Variants in PRKAB2 observed in about 807,000 individuals in gnomAD.
PRKAB2 encodes the protein protein kinase AMP-activated non-catalytic subunit beta 2.
PRKAB2 carries 18 observed loss-of-function variants against 29.8 expected under a neutral mutation model. The observed-to-expected ratio is 0.60, with a 90% CI of 0.42 to 0.89. The LOEUF (loss-of-function observed/expected upper bound fraction) is 0.89. PRKAB2 is among the 40% of genes least tolerant of loss of function. PRKAB2 has a pLI of 0.00. For synonymous variants in PRKAB2, 136 were observed against 125.9 expected (o/e 1.08, Z -0.54); for missense variants, 270 against 344.3 (o/e 0.78, Z 1.71).
rs1654015381 is a variant in PRKAB2 at position 147,162,409 on chromosome 1, C to T, written c.672+31G>A. The T allele has an allele frequency of 1.9e-6, 3 of 1,594,044 alleles. No homozygotes were observed. In the African/African-American group the frequency reaches 4.0e-5, roughly 21 times the overall value. On this transcript the variant is annotated intron_variant, in intron 6 of 7. Transcript: ENST00000254101. The stretch of plus-strand genomic sequence containing the variant: ...TGGTCCAAATGGTCCTAGACACCCC[C>T]AGATGCCCCAGTAATACTCAGGATA...
intron 5 of PRKAB2, among the ~76,000 whole-genome samples, chr1:147,165,272 C>T (rs587620191): frequency 1.8e-4 from 27 of 152,316 alleles, no homozygotes; most frequent in Admixed American, 4.6e-4. Context: ...GTCATCCACC[C>T]GCCTCGGTCT....
chr1:147,172,370 T>C (rs1051309483), intron 1 of PRKAB2, 59 bp downstream of exon 1: 24 of 600,114 alleles, frequency 4.0e-5, no homozygotes, highest in Non-Finnish European at 5.3e-5. Flanking sequence ...GGAAACCCGC[T>C]ATCGGGACCT....
chr1:147,170,516 T>C (rs782788568), intron 2 of PRKAB2, among the ~76,000 whole-genome samples: 11 of 152,258 alleles, frequency 7.2e-5, no homozygotes, highest in Non-Finnish European at 1.5e-4. Flanking sequence ...GAATGGAGAA[T>C]TGGAGAATAA....
rs1235117521 is a variant in PRKAB2, at chr1:147,159,349, C to T, written c.*216G>A. 1 of 516,810 alleles carries T rather than the reference C, an allele frequency of 1.9e-6. No individual in the cohort carries two copies. The highest frequency in any genetic ancestry group is 3.4e-6 in the Non-Finnish European group (1 of 291,240). 32.0% of individuals were successfully genotyped at this position (516,810 alleles called of 1,614,324 possible). A position where few individuals can be genotyped will look rare whatever the true frequency, so the allele number is the denominator to read the frequency against. On this transcript the variant is annotated 3_prime_UTR_variant, in exon 8 of 8. Coordinates refer to ENST00000254101, the MANE Select transcript of PRKAB2 (RefSeq NM_005399.5). ...AGGAGGCTTCCATTTACCTTCTTCT[C>T]ATATGTATATTTTTTTTTCTTAAAA...
At chr1:147,162,396 TC>T in intron 6 of PRKAB2, 43 bp downstream of exon 6, 1 of 1,572,216 alleles carries the variant, frequency 6.4e-7, no homozygotes, top group African/African-American at 1.4e-5. Flanking sequence ...GTCCAAATGG[TC>T]CTAGACACCC....
At position 147,159,778 on chromosome 1, in the gene PRKAB2, T is replaced by C. The variant is rs587648116; in HGVS notation, c.742-136A>G. ...TAAGAGCAGGAGGTCAAATAAGTTT[T>C]AGTTCCAATTCTGACTCCTATCATC... On this transcript the variant is annotated intron_variant, in intron 7 of 7. Coordinates refer to ENST00000254101, the MANE Select transcript of PRKAB2 (RefSeq NM_005399.5). 1.7e-4 allele frequency: 127 copies of C among 743,204 alleles called. 1 individual carries two copies. The Middle Eastern group carries it at 1.9e-3, about 11-fold the overall frequency. 46.0% of individuals were successfully genotyped at this position (743,204 alleles called of 1,614,324 possible). A position where few individuals can be genotyped will look rare whatever the true frequency, so the allele number is the denominator to read the frequency against.
Position 147,167,799 on chromosome 1 carries a change from G to T in PRKAB2, c.291C>A (p.Asn97Lys), listed in dbSNP as rs1654324658. 1.2e-6 allele frequency: 2 copies of T among 1,613,962 alleles called. No individual in the cohort carries two copies. The highest frequency in any genetic ancestry group is 1.7e-6 in the Non-Finnish European group (2 of 1,179,924). Residue 97 changes from asparagine to lysine, a missense_variant, in exon 3 of 8, where the codon AAC becomes AAA. By Grantham distance (94) the Asn-to-Lys change is moderately conservative (BLOSUM62 0). Coordinates refer to ENST00000254101, the MANE Select transcript of PRKAB2 (RefSeq NM_005399.5). ...GKEVFISGSF[N>K]NWSTKIPLIK... Reference sequence around the variant, plus strand: ...TCAGTGGAATCTTGGTGCTCCAATTGTTGAAGGACCCAGAGATGAAGACCT... The same window carrying T: ...TCAGTGGAATCTTGGTGCTCCAATTTTTGAAGGACCCAGAGATGAAGACCT...
chr1:147,160,584 G>A (rs1653905633), intron 7 of PRKAB2, among the ~76,000 whole-genome samples: 1 of 152,092 alleles, frequency 6.6e-6, no homozygotes, highest in Non-Finnish European at 1.5e-5. Flanking sequence ...TGCTTCTCGG[G>A]TTAACACTCC....
chr1:147,163,612 G>A (rs192481072), intron 5 of PRKAB2, among the ~76,000 whole-genome samples: 1 of 152,294 alleles, frequency 6.6e-6, no homozygotes, highest in East Asian at 1.9e-4. Context: ...CATATTGTAG[G>A]ATTCCACTGA....
At chr1:147,164,499 A>C (rs587701065) in intron 5 of PRKAB2, among the ~76,000 whole-genome samples, 7 of 152,348 alleles carry the variant, frequency 4.6e-5, no homozygotes, top group African/African-American at 1.7e-4. Context: ...GCAAAAGAAA[A>C]AAGCAGAAGT....
rs1234534604 is a variant in PRKAB2 at position 147,155,860 on chromosome 1, A to G, written c.*3705T>C. On this transcript the variant is annotated 3_prime_UTR_variant, in exon 8 of 8. Transcript: ENST00000254101. Reference sequence around the variant, plus strand: ...TGCTAAGAATTGGACTCTACAAGTAATAGACTTGAGTTTTTCTCTTTTTTC... The same window carrying G: ...TGCTAAGAATTGGACTCTACAAGTAGTAGACTTGAGTTTTTCTCTTTTTTC... 6.6e-6 allele frequency: 1 copy of G among 152,560 alleles called. No individual in the cohort carries two copies. Among genetic ancestry groups the G allele is most frequent in the African/African-American group, 2.4e-5 (1 of 41,464 alleles). The allele number at this position is 152,560 out of a possible 1,614,324, so 9.5% of individuals were successfully genotyped here. A position where few individuals can be genotyped will look rare whatever the true frequency, so the allele number is the denominator to read the frequency against.
intron 6 of PRKAB2, 76 bp from the exon 7 acceptor site, chr1:147,161,856 C>A: frequency 8.4e-7 from 1 of 1,192,454 alleles, no homozygotes; most frequent in South Asian, 1.5e-5. Flanking sequence ...ACAGCTTACT[C>A]TTCCTCAGAG....
At chr1:147,165,469 G>T (rs149485361) in intron 5 of PRKAB2, among the ~76,000 whole-genome samples, 3 of 152,236 alleles carry the variant, frequency 2.0e-5, no homozygotes, top group African/African-American at 7.2e-5. Flanking sequence ...GAACGAAAAA[G>T]GTTGAGAGAT....
At chr1:147,166,363 ATCTCTGTC>A in intron 5 of PRKAB2, 127 bp downstream of exon 5, 5 of 879,558 alleles carry the variant, frequency 5.7e-6, no homozygotes, top group Admixed American at 3.1e-5. Flanking sequence ...CAGGAGAAAA[ATCTCTGTC>A]TCTCTCTCTC....
chr1:147,172,413 C>T lies in PRKAB2; in HGVS notation c.-24+16G>A, dbSNP rs1654714234. ...GTCCCCGCGCTCACTGCCAGGGGCGCCCCCACTCCAGTCACCTCGGGCGAT... is the reference window on the plus strand; with the variant it reads ...GTCCCCGCGCTCACTGCCAGGGGCGTCCCCACTCCAGTCACCTCGGGCGAT... On this transcript the variant is annotated intron_variant, in intron 1 of 7. Coordinates refer to ENST00000254101, the MANE Select transcript of PRKAB2 (RefSeq NM_005399.5). 1.9e-6 allele frequency: 1 copy of T among 530,296 alleles called. No individual in the cohort carries two copies. The highest frequency in any genetic ancestry group is 3.3e-6 in the Non-Finnish European group (1 of 304,320). 32.8% of individuals were successfully genotyped at this position (530,296 alleles called of 1,614,324 possible). A position where few individuals can be genotyped will look rare whatever the true frequency, so the allele number is the denominator to read the frequency against.
In PRKAB2 at chr1:147,166,845, C is replaced by A; in HGVS notation, c.417+1G>T. 6.2e-7 allele frequency: 1 copy of A among 1,612,450 alleles called. No individual in the cohort carries two copies. The highest frequency in any genetic ancestry group is 8.5e-7 in the Non-Finnish European group (1 of 1,178,492). The stretch of plus-strand genomic sequence containing the variant: ...GTTACCCTTGGAGATCAAGGCCTTA[C>A]CTCTGATGGATCATGAACCCACTGT... On this transcript the variant is annotated splice_donor_variant, in intron 4 of 7. Transcript: ENST00000254101. LOFTEE classifies it high-confidence loss of function.
At chr1:147,172,257 C>T (rs1316978099) in intron 1 of PRKAB2, 90 bp from the exon 2 acceptor site, 3 of 1,356,548 alleles carry the variant, frequency 2.2e-6, no homozygotes, top group African/African-American at 3.0e-5. Flanking sequence ...CGGGACAGGG[C>T]AAGGGATTCC....
At chr1:147,166,807 T>C (rs782161651) in intron 4 of PRKAB2, 39 bp downstream of exon 4, 21 of 1,591,408 alleles carry the variant, frequency 1.3e-5, no homozygotes, top group Non-Finnish European at 1.8e-5. Context: ...AAAATGAGAC[T>C]GCTAAGTCAA....
chr1:147,161,229 G>A (rs1003793717), intron 7 of PRKAB2, among the ~76,000 whole-genome samples: 5 of 152,088 alleles, frequency 3.3e-5, no homozygotes, highest in Admixed American at 6.5e-5. Context: ...TAGAGTTGAC[G>A]GGACAGGGCA....
Sources: gnomAD v4.1 joint callset for allele counts (sites outside exome capture counted in the v4.1 genomes callset) on GRCh38, gnomAD v4.1.1 for gene constraint, MANE v1.5 for transcripts, NCBI Gene and HGNC (gene_info 2026-07-23, HGNC 2026-07-21) for gene names.